Variants in ROBO1 observed in about 807,000 individuals in gnomAD.
ROBO1 encodes the protein roundabout guidance receptor 1, also known as roundabout homolog 1.
ROBO1 carries 149 observed loss-of-function variants against 195.9 expected under a neutral mutation model. The observed-to-expected ratio is 0.76, with a 90% confidence interval of 0.67 to 0.87. The LOEUF is 0.87. ROBO1 is among the 40% of genes least tolerant of loss of function. ROBO1 has a pLI of 0.00. For missense variants in ROBO1, 1,933 were observed against 2,068.3 expected (o/e 0.93, Z 1.27); for synonymous variants, 816 against 733.2 (o/e 1.11, Z -1.82).
intron 2 of ROBO1, among the ~76,000 whole-genome samples, chr3:79,575,108 AT>A (rs1943409016): frequency 1.5e-5 from 2 of 133,648 alleles, no homozygotes; most frequent in Non-Finnish European, 3.1e-5. Context: ...AAATATATAT[AT>A]ATAACAAATA....
At chr3:78,760,785 G>T (rs1052360338) in intron 4 of ROBO1, among the ~76,000 whole-genome samples, 2 of 151,978 alleles carry the variant, frequency 1.3e-5, no homozygotes, top group Non-Finnish European at 2.9e-5. Context: ...GGGACTGGAG[G>T]TGTGTGCTAC....
chr3:79,272,076 T>C (rs2108974451), intron 2 of ROBO1, among the ~76,000 whole-genome samples: 1 of 152,152 alleles, frequency 6.6e-6, no homozygotes, highest in Admixed American at 6.6e-5. Flanking sequence ...TAAATCTATT[T>C]TTAAAAGGTC....
intron 2 of ROBO1, among the ~76,000 whole-genome samples, chr3:79,182,501 A>G (rs757279062): frequency 6.6e-6 from 1 of 152,070 alleles, no homozygotes. Flanking sequence ...GGGCTATGAT[A>G]CATAATGAAA....
intron 1 of ROBO1, among the ~76,000 whole-genome samples, chr3:79,687,240 G>A (rs932354003): frequency 1.1e-4 from 17 of 150,822 alleles, no homozygotes; most frequent in South Asian, 4.2e-4. Context: ...AGACTTAAAT[G>A]TTAGACCTAA....
chr3:78,786,635 T>G (rs1314986292), intron 4 of ROBO1, among the ~76,000 whole-genome samples: 1 of 152,080 alleles, frequency 6.6e-6, no homozygotes, highest in Non-Finnish European at 1.5e-5. Flanking sequence ...CCTTCACTAA[T>G]GATAGTGAAT....
At chr3:78,773,060 C>G (rs1211044558) in intron 4 of ROBO1, among the ~76,000 whole-genome samples, 1 of 152,026 alleles carries the variant, frequency 6.6e-6, no homozygotes, top group Non-Finnish European at 1.5e-5. Flanking sequence ...TACTCACTGA[C>G]TATAAGGTGC....
intron 3 of ROBO1, among the ~76,000 whole-genome samples, chr3:79,113,387 T>G (rs554640284): frequency 1.8e-4 from 26 of 143,726 alleles, no homozygotes; most frequent in Admixed American, 1.4e-3. Flanking sequence ...TTGAGTGAGG[T>G]TTTTTTTTTT....
At chr3:78,631,988 C>T (rs1373852003) in intron 24 of ROBO1, among the ~76,000 whole-genome samples, 1 of 152,120 alleles carries the variant, frequency 6.6e-6, no homozygotes, top group African/African-American at 2.4e-5. Flanking sequence ...CCAGTGTTCT[C>T]ATTTTAGATC....
chr3:78,711,189 T>A (rs2081677928), intron 8 of ROBO1, among the ~76,000 whole-genome samples: 1 of 152,150 alleles, frequency 6.6e-6, no homozygotes, highest in Non-Finnish European at 1.5e-5. Flanking sequence ...CAAATGGAGC[T>A]TACTGTTGGC....
intron 2 of ROBO1, among the ~76,000 whole-genome samples, chr3:79,584,984 CTT>C (rs1334279826): frequency 6.6e-6 from 1 of 151,540 alleles, no homozygotes; most frequent in Non-Finnish European, 1.5e-5. Flanking sequence ...TTTGATTTAT[CTT>C]ATATTATGAT....
chr3:79,177,444 T>C (rs951175342), intron 2 of ROBO1, among the ~76,000 whole-genome samples: 4 of 152,168 alleles, frequency 2.6e-5, no homozygotes, highest in African/African-American at 9.7e-5. Context: ...GCTAGGGATA[T>C]ATAGGATGGG....
At chr3:78,864,853 T>C (rs2035071272) in intron 4 of ROBO1, among the ~76,000 whole-genome samples, 1 of 152,094 alleles carries the variant, frequency 6.6e-6, no homozygotes, top group South Asian at 2.1e-4. Flanking sequence ...AAAAGAAGTA[T>C]AAAGAAAAAG....
At chr3:79,270,107 T>C (rs1375518285) in intron 2 of ROBO1, among the ~76,000 whole-genome samples, 1 of 151,604 alleles carries the variant, frequency 6.6e-6, no homozygotes, top group African/African-American at 2.4e-5. Context: ...AACCATCGAC[T>C]AGGACATGAA....
At chr3:79,181,166 T>G (rs1316333690) in intron 2 of ROBO1, among the ~76,000 whole-genome samples, 2 of 152,212 alleles carry the variant, frequency 1.3e-5, no homozygotes, top group African/African-American at 2.4e-5. Context: ...ACCCACGGAC[T>G]GCACTATCCT....
intron 1 of ROBO1, among the ~76,000 whole-genome samples, chr3:79,681,366 C>G (rs1308582518): frequency 6.6e-6 from 1 of 151,728 alleles, no homozygotes; most frequent in East Asian, 1.9e-4. Flanking sequence ...CAGATTTTGG[C>G]CCTAACTAGA....
chr3:79,240,316 T>C (rs1363909409), intron 2 of ROBO1, among the ~76,000 whole-genome samples: 1 of 152,192 alleles, frequency 6.6e-6, no homozygotes, highest in East Asian at 1.9e-4. Context: ...TTCCTTCTTT[T>C]TAAAAATTGA....
intron 1 of ROBO1, among the ~76,000 whole-genome samples, chr3:79,699,042 T>A (rs1947531082): frequency 6.7e-6 from 1 of 150,246 alleles, no homozygotes; most frequent in South Asian, 2.1e-4. Flanking sequence ...CAAAGAGAGA[T>A]CATTAAAGGA....
chr3:78,937,502 A>G (rs2039877971), intron 4 of ROBO1, among the ~76,000 whole-genome samples: 1 of 152,006 alleles, frequency 6.6e-6, no homozygotes, highest in Non-Finnish European at 1.5e-5. Flanking sequence ...TCCCTATGCA[A>G]TTCTCAATTT....
rs537842741 is a variant in ROBO1 at position 78,821,814 on chromosome 3, A to G, written c.500-74914T>C. 2.4e-4 allele frequency among the ~76,000 whole-genome samples: 36 copies of G among 152,262 alleles called. No homozygotes were observed. In the East Asian group the frequency reaches 2.9e-3, roughly 12 times the overall value. On this transcript the variant is annotated intron_variant, in intron 4 of 30. Transcript: ENST00000464233. ...TTTACAGACATCTGTGCCTAATCTC[A>G]TAATCCCAAAACCTGGGTCCTTATT...
Sources: allele counts gnomAD v4.1 joint callset (sites outside exome capture counted in the v4.1 genomes callset), GRCh38; gene constraint gnomAD v4.1.1; transcripts MANE v1.5; gene names NCBI Gene and HGNC (gene_info 2026-07-23, HGNC 2026-07-21).